Variants in STK32A observed in about 807,000 individuals in gnomAD.
STK32A encodes serine/threonine-protein kinase 32A.
STK32A carries 41 observed loss-of-function variants against 53.2 expected under a neutral mutation model. That is an observed-to-expected ratio of 0.77 (90% confidence interval 0.60 to 1.00). The LOEUF is 1.00. Ranked by LOEUF, STK32A falls within the 50% of genes least tolerant of loss-of-function variation. The pLI is 0.00. For missense variants in STK32A, 458 were observed against 485.8 expected (o/e 0.94, Z 0.54); for synonymous variants, 166 against 162.8 (o/e 1.02, Z -0.15).
At chr5:147,281,115 G>A (rs1270768962) in intron 4 of STK32A, among the ~76,000 whole-genome samples, 5 of 152,090 alleles carry the variant, frequency 3.3e-5, no homozygotes, top group Admixed American at 3.3e-4. Flanking sequence ...ACACCCAGTG[G>A]GACGAAAGAG....
the STK32A span, chr5:147,399,259 A>C: frequency 2.5e-5 from 40 of 1,613,248 alleles, no homozygotes; most frequent in South Asian, 3.7e-4. Context: ...TGGCCTATTG[A>C]AATATAAGAA....
intron 2 of STK32A, among the ~76,000 whole-genome samples, chr5:147,275,948 T>G (rs17468085): frequency 0.066 from 10,078 of 152,264 alleles, 394 homozygotes; most frequent in South Asian, 0.085. Flanking sequence ...TGGAACTTCA[T>G]GCTTTCTAGG....
At chr5:147,334,967 T>C (rs540780623) in intron 5 of STK32A, among the ~76,000 whole-genome samples, 6 of 152,358 alleles carry the variant, frequency 3.9e-5, no homozygotes, top group African/African-American at 1.4e-4. Flanking sequence ...TTTTTCCCTT[T>C]TGTACATACC....
intron 4 of STK32A, among the ~76,000 whole-genome samples, chr5:147,293,453 C>G (rs1752700690): frequency 2.3e-5 from 3 of 132,700 alleles, no homozygotes; most frequent in Admixed American, 1.7e-4. Context: ...TCTAGGGGAC[C>G]TCATATCTGA....
At chr5:147,251,957 C>T (rs762694255) in intron 2 of STK32A, among the ~76,000 whole-genome samples, 1 of 152,130 alleles carries the variant, frequency 6.6e-6, no homozygotes, top group African/African-American at 2.4e-5. Flanking sequence ...AATCCCAACA[C>T]TTTGGGAGGC....
chr5:147,274,622 T>C (rs1215439517), intron 2 of STK32A, among the ~76,000 whole-genome samples: 1 of 152,168 alleles, frequency 6.6e-6, no homozygotes, highest in Admixed American at 6.5e-5. Flanking sequence ...CATGGCAGCT[T>C]AAGGTGGTAT....
intron 4 of STK32A, among the ~76,000 whole-genome samples, chr5:147,318,367 G>A (rs919503539): frequency 6.6e-6 from 1 of 151,962 alleles, no homozygotes; most frequent in Non-Finnish European, 1.5e-5. Flanking sequence ...CTCCCTTATC[G>A]ATGGGCATGT....
At chr5:147,249,535 G>A (rs75118596) in intron 2 of STK32A, among the ~76,000 whole-genome samples, 4,878 of 152,110 alleles carry the variant, frequency 0.032, 263 homozygotes, top group African/African-American at 0.11. Context: ...TTTCTGATCT[G>A]TGAAATCTGA....
chr5:147,250,067 T>C (rs1753919265), intron 2 of STK32A, among the ~76,000 whole-genome samples: 1 of 152,030 alleles, frequency 6.6e-6, no homozygotes, highest in Non-Finnish European at 1.5e-5. Context: ...GGCTTGAATG[T>C]GGGGTAAGAT....
chr5:147,301,821 C>T (rs1753151481), intron 4 of STK32A, among the ~76,000 whole-genome samples: 1 of 152,124 alleles, frequency 6.6e-6, no homozygotes. Flanking sequence ...TGTGTTTCTT[C>T]CAGAGCCTCC....
intron 4 of STK32A, among the ~76,000 whole-genome samples, chr5:147,283,410 C>G (rs563335561): frequency 6.6e-6 from 1 of 151,050 alleles, no homozygotes; most frequent in South Asian, 2.1e-4. Flanking sequence ...TAAACCAAAC[C>G]CAAACCCGGC....
intron 4 of STK32A, among the ~76,000 whole-genome samples, chr5:147,306,500 C>G (rs1753415975): frequency 6.6e-6 from 1 of 151,344 alleles, no homozygotes; most frequent in South Asian, 2.1e-4. Context: ...TTGTTACTAT[C>G]AAGTTGGCAA....
At chr5:147,266,268 G>C (rs916950785) in intron 2 of STK32A, among the ~76,000 whole-genome samples, 12 of 152,156 alleles carry the variant, frequency 7.9e-5, no homozygotes, top group Non-Finnish European at 1.0e-4. Flanking sequence ...TTAATGCTTT[G>C]AGCTCAAAGA....
At chr5:147,321,865 C>T (rs1283901363) in intron 4 of STK32A, among the ~76,000 whole-genome samples, 1 of 152,084 alleles carries the variant, frequency 6.6e-6, no homozygotes, top group Non-Finnish European at 1.5e-5. Flanking sequence ...ATGGTTAGTA[C>T]TCTCTTCTCC....
chr5:147,249,774 A>G (rs1168961370), intron 2 of STK32A, among the ~76,000 whole-genome samples: 2 of 151,768 alleles, frequency 1.3e-5, no homozygotes, highest in Non-Finnish European at 2.9e-5. Flanking sequence ...TTAGCCTGGC[A>G]TGGTGGTGGG....
chr5:147,344,110 A>T (rs1411000575), intron 6 of STK32A, among the ~76,000 whole-genome samples: 1 of 152,188 alleles, frequency 6.6e-6, no homozygotes, highest in Non-Finnish European at 1.5e-5. Flanking sequence ...ATGTCTTTAG[A>T]AGGCTGCTAG....
At chr5:147,369,577 G>A (rs900211932) in intron 8 of STK32A, among the ~76,000 whole-genome samples, 1 of 152,132 alleles carries the variant, frequency 6.6e-6, no homozygotes, top group African/African-American at 2.4e-5. Context: ...GAGAAGTTTA[G>A]CACCAAATCC....
chr5:147,383,582 T>C lies in STK32A; in HGVS notation c.1097+77T>C, dbSNP rs150474149. Reference sequence around the variant, plus strand: ...CCAGACTTTACTTGCAGAGAAAATATATTTTTAACATTTTAAAAATTATTT... The same window carrying C: ...CCAGACTTTACTTGCAGAGAAAATACATTTTTAACATTTTAAAAATTATTT... On this transcript the variant is annotated intron_variant, in intron 12 of 12. Transcript: ENST00000397936. The C allele has an allele frequency of 1.5e-4, 167 of 1,150,234 alleles. No individual in the cohort carries two copies. In the African/African-American group the frequency reaches 2.2e-3, roughly 15 times the overall value. 71.3% of individuals were successfully genotyped at this position (1,150,234 alleles called of 1,614,324 possible).
At chr5:147,271,530 G>T (rs7729048) in intron 2 of STK32A, among the ~76,000 whole-genome samples, 2 of 151,970 alleles carry the variant, frequency 1.3e-5, no homozygotes, top group African/African-American at 2.4e-5. Context: ...CCGGTGAGCC[G>T]GGAGGAACAG....
Sources: allele counts gnomAD v4.1 joint callset (sites outside exome capture counted in the v4.1 genomes callset), GRCh38; gene constraint gnomAD v4.1.1; transcripts MANE v1.5; gene names NCBI Gene and HGNC (gene_info 2026-07-23, HGNC 2026-07-21).